The following ILDR2 variants were observed in gnomAD, a reference collection of about 807,000 sequenced individuals.
The protein encoded by ILDR2 is immunoglobulin-like domain-containing receptor 2.
In ILDR2, 25 loss-of-function variants were observed where a neutral mutation model predicts 66.8. The ratio of observed to expected loss-of-function variants is 0.37; its 90% confidence interval spans 0.27 to 0.52. The LOEUF (loss-of-function observed/expected upper bound fraction) is 0.52, where lower values mean the gene tolerates loss of function less well. Ranked by LOEUF, ILDR2 falls within the 20% of genes least tolerant of loss-of-function variation. ILDR2 has a pLI of 0.88. For synonymous variants in ILDR2, 367 were observed against 357.2 expected (o/e 1.03, Z -0.31); for missense variants, 827 against 876.8 (o/e 0.94, Z 0.72).
chr1:166,964,821 T>A (rs186876924), intron 1 of ILDR2, among the ~76,000 whole-genome samples: 1 of 152,366 alleles, frequency 6.6e-6, no homozygotes, highest in African/African-American at 2.4e-5. Context: ...CTATATATGA[T>A]GAACTGTGTT....
intron 2 of ILDR2, among the ~76,000 whole-genome samples, chr1:166,902,505 A>C (rs997304994): frequency 2.6e-5 from 4 of 152,234 alleles, no homozygotes; most frequent in African/African-American, 9.6e-5. Context: ...AAGCTAAGTC[A>C]GAAAGTTCAG....
At chr1:166,899,051 C>T (rs1348514521) in intron 2 of ILDR2, among the ~76,000 whole-genome samples, 3 of 151,682 alleles carry the variant, frequency 2.0e-5, no homozygotes, top group African/African-American at 4.8e-5. Context: ...CAACGCAAGA[C>T]CCTTCTCTCA....
In ILDR2 at chr1:166,909,969, G is replaced by A. The variant is rs1053901733; in HGVS notation, c.*9386C>T. 2.0e-5 allele frequency: 3 copies of A among 151,500 alleles called. No homozygotes were observed. The highest frequency in any genetic ancestry group is 7.3e-5 in the African/African-American group (3 of 41,190). The allele number at this position is 151,500 out of a possible 1,614,324, so 9.4% of individuals were successfully genotyped here. ...AAAAAAAAGTAAAGTGTTTTAACAT[G>A]TCTGGAATTTTCTCCTCTGCTTGGT... On this transcript the variant is annotated 3_prime_UTR_variant, in exon 10 of 10. Transcript: ENST00000271417.
downstream of ILDR2, among the ~76,000 whole-genome samples, chr1:166,906,823 CTGTA>C (rs1380231758): frequency 4.6e-5 from 7 of 152,168 alleles, no homozygotes; most frequent in African/African-American, 1.4e-4. Flanking sequence ...TATGACGTGG[CTGTA>C]TGTGAGAGTT....
intron 3 of ILDR2, among the ~76,000 whole-genome samples, chr1:166,949,909 C>A (rs796111302): frequency 4.0e-4 from 61 of 152,310 alleles, no homozygotes; most frequent in African/African-American, 1.3e-3. Flanking sequence ...AAAAGCCACT[C>A]CTCATTTGTT....
intron 3 of ILDR2, among the ~76,000 whole-genome samples, chr1:166,950,514 C>T (rs1661910581): frequency 6.6e-6 from 1 of 152,116 alleles, no homozygotes; most frequent in Admixed American, 6.5e-5. Context: ...GCAGCAGTAA[C>T]ACAGGGGTAG....
chr1:166,953,055 G>GT (rs769951527), intron 3 of ILDR2, among the ~76,000 whole-genome samples: 54 of 152,166 alleles, frequency 3.5e-4, no homozygotes, highest in Non-Finnish European at 6.6e-4. Flanking sequence ...GACACATATT[G>GT]TTTTTTTGGC....
intron 1 of ILDR2, among the ~76,000 whole-genome samples, chr1:166,963,493 C>T (rs545695192): frequency 5.0e-4 from 76 of 152,322 alleles, no homozygotes; most frequent in African/African-American, 1.8e-3. Flanking sequence ...ACCATCATTT[C>T]ACACAGGTCC....
Position 166,920,764 on chromosome 1 carries a change from G to T in ILDR2, c.1827C>A (p.Asp609Glu). The T allele has an allele frequency of 6.7e-7, 1 of 1,493,832 alleles. No homozygotes were observed. Among genetic ancestry groups the T allele is most frequent in the Non-Finnish European group, 8.9e-7 (1 of 1,121,766 alleles). The allele number at this position is 1,493,832 out of a possible 1,614,324, so 92.5% of individuals were successfully genotyped here. The change falls in exon 9 of 10, where the codon GAC (aspartate) becomes GAA (glutamate). Residue 609 changes from aspartate (D) to glutamate (E), a missense_variant. Coordinates refer to ENST00000271417, the MANE Select transcript of ILDR2 (RefSeq NM_199351.3). ...TCTCCGAGTTGCTGTGGTAGGGCAG[G>T]TCGCGGCCGCGGTAGGACGGGCCGC... ...LTRGPSYRGRDLPYHSNSEKK... is the reference protein window; with the variant it reads ...LTRGPSYRGRELPYHSNSEKK...
chr1:166,922,848 T>C, intron 7 of ILDR2, 39 bp from the exon 8 acceptor site: 1 of 1,542,596 alleles, frequency 6.5e-7, no homozygotes, highest in Non-Finnish European at 9.0e-7. Context: ...GCTTTTTGTG[T>C]TACTCTGTTT....
chr1:166,969,287 T>C (rs146142098), intron 1 of ILDR2, among the ~76,000 whole-genome samples: 1 of 152,304 alleles, frequency 6.6e-6, no homozygotes, highest in Non-Finnish European at 1.5e-5. Context: ...TCAGCACCAC[T>C]TTCTGTAGGG....
At chr1:166,935,261 C>T (rs1159921959) in intron 6 of ILDR2, 40 bp downstream of exon 6, 15 of 1,609,546 alleles carry the variant, frequency 9.3e-6, no homozygotes, top group African/African-American at 4.0e-5. Flanking sequence ...TGTGGGGGCC[C>T]GAGACAAGCA....
At chr1:166,929,963 G>C (rs1046210227) in intron 6 of ILDR2, among the ~76,000 whole-genome samples, 7 of 152,066 alleles carry the variant, frequency 4.6e-5, no homozygotes, top group Non-Finnish European at 7.4e-5. Flanking sequence ...CTGGAGCTGT[G>C]GTTTTATCTA....
rs1305678177 is a variant in ILDR2 at position 166,936,248 on chromosome 1, G to T, written c.703+343C>A. 6.6e-6 allele frequency among the ~76,000 whole-genome samples: 1 copy of T among 152,112 alleles called. No individual in the cohort carries two copies. Among genetic ancestry groups the T allele is most frequent in the Non-Finnish European group, 1.5e-5 (1 of 68,022 alleles). On this transcript the variant is annotated intron_variant, in intron 5 of 9. Transcript: ENST00000271417. This position sits in a 1 kb window ranked among gnomAD's most constrained non-coding sequence, Gnocchi z 5.0. ...CATGGGAAGGGAACGACCAGAGAAGGTTTCCTCTAGTTTGAATGCCCCAGG... is the reference window on the plus strand; with the variant it reads ...CATGGGAAGGGAACGACCAGAGAAGTTTTCCTCTAGTTTGAATGCCCCAGG...
rs765513791 is a variant in ILDR2, at chr1:166,957,818, A to G, written c.330T>C (p.Thr110=). The G allele has an allele frequency of 6.2e-7, 1 of 1,614,174 alleles. No individual in the cohort carries two copies. Among genetic ancestry groups the G allele is most frequent in the Middle Eastern group, 1.7e-4 (1 of 6,060 alleles). ...VRVVASKQGS[T]VTLGDFYRGR... Reference sequence around the variant, plus strand: ...CCCTGTAGAAATCTCCCAGGGTGACAGTCGAGCCCTGTTTTGAAGCTACTA... The same window carrying G: ...CCCTGTAGAAATCTCCCAGGGTGACGGTCGAGCCCTGTTTTGAAGCTACTA... Residue 110 remains threonine, a synonymous_variant, in exon 2 of 10, where the codon ACT becomes ACC. Coordinates refer to ENST00000271417, the MANE Select transcript of ILDR2 (RefSeq NM_199351.3).
chr1:166,927,028 G>T, intron 7 of ILDR2, 39 bp downstream of exon 7: 4 of 1,439,832 alleles, frequency 2.8e-6, no homozygotes, highest in Non-Finnish European at 3.9e-6. Context: ...ACTAACTCCT[G>T]CATAATGCAC....
chr1:166,920,833 C>T lies in ILDR2; in HGVS notation c.1758G>A (p.Ala586=). ...TGTAGGGCGGCAGCGCGTCGTCGGA[C>T]GCGTCCTCCTGGTCGTCCTGCGACG... is the stretch of plus-strand genomic sequence containing the variant. The part of the protein sequence containing the change: ...AGSSQDDQED[A]SDDALPPYSE... The change falls in exon 9 of 10, where the codon GCG becomes GCA. Residue 586 remains alanine, a synonymous_variant. Transcript: ENST00000271417. 4.6e-6 allele frequency: 7 copies of T among 1,518,410 alleles called. No individual in the cohort carries two copies. Among genetic ancestry groups the T allele is most frequent in the South Asian group, 1.2e-5 (1 of 81,362 alleles). The allele number at this position is 1,518,410 out of a possible 1,614,324, so 94.1% of individuals were successfully genotyped here.
At chr1:166,961,766 AGCT>A (rs922677792) in intron 1 of ILDR2, among the ~76,000 whole-genome samples, 35 of 152,202 alleles carry the variant, frequency 2.3e-4, no homozygotes, top group Non-Finnish European at 4.4e-4. Context: ...ACAAACCTAG[AGCT>A]ACGCAAGTAC....
rs929328182 is a variant in ILDR2 at position 166,916,623 on chromosome 1, A to G, written c.*2732T>C. The G allele has an allele frequency of 2.6e-5, 4 of 152,252 alleles. No individual in the cohort carries two copies. Among genetic ancestry groups the G allele is most frequent in the African/African-American group, 9.6e-5 (4 of 41,468 alleles). 9.4% of individuals were successfully genotyped at this position (152,252 alleles called of 1,614,324 possible). A position where few individuals can be genotyped will look rare whatever the true frequency, so the allele number is the denominator to read the frequency against. ...GAGGACAAGAAGTTTTGACTTGTCA[A>G]CTCAGCCTTAACTCCTGTCCATATA... On this transcript the variant is annotated 3_prime_UTR_variant, in exon 10 of 10. Transcript: ENST00000271417.
Sources: gnomAD v4.1 joint callset for allele counts (sites outside exome capture counted in the v4.1 genomes callset) on GRCh38, gnomAD v4.1.1 for gene constraint, Gnocchi (gnomAD v3.1) non-coding constraint, MANE v1.5 for transcripts, NCBI Gene and HGNC (gene_info 2026-07-23, HGNC 2026-07-21) for gene names.